Variants in GPM6A observed in about 807,000 individuals in gnomAD.
The protein encoded by GPM6A is glycoprotein M6A.
Under a neutral mutation model 32.1 loss-of-function variants are expected in GPM6A, and 7 were observed. That is an observed-to-expected ratio of 0.22 (90% confidence interval 0.12 to 0.41). The LOEUF is 0.41. Among genes scored for constraint, GPM6A ranks in the 10% least tolerant of loss-of-function variants. The pLI is 1.00. For synonymous variants in GPM6A, 130 were observed against 123.4 expected (o/e 1.05, Z -0.35); for missense variants, 235 against 347.2 (o/e 0.68, Z 2.57).
At chr4:175,784,073 G>A (rs1429348345) in intron 1 of GPM6A, among the ~76,000 whole-genome samples, 2 of 152,046 alleles carry the variant, frequency 1.3e-5, no homozygotes, top group Admixed American at 1.3e-4. Context: ...AAACACCTTA[G>A]CCAAGTGATC....
chr4:175,671,024 C>T (rs1004115802), intron 3 of GPM6A, among the ~76,000 whole-genome samples: 12 of 151,806 alleles, frequency 7.9e-5, no homozygotes, highest in African/African-American at 1.2e-4. Context: ...CCACCATGCC[C>T]GGCTAATTTT....
Position 176,001,193 on chromosome 4 carries a change from G to A in GPM6A, c.-23+1116C>T, listed in dbSNP as rs181681834. Among the ~76,000 whole-genome samples the A allele has an allele frequency of 2.6e-5, 4 of 152,298 alleles. 1 individual carries two copies. The highest frequency in any genetic ancestry group is 9.6e-5 in the African/African-American group (4 of 41,574). ...AATACAGGAATTTCAACCCGAGCAC[G>A]TCAGTCCCCAAGGCCTCCTTTACTC... On this transcript the variant is annotated intron_variant, in intron 1 of 7. Transcript: ENST00000280187.
chr4:175,805,072 CA>C (rs1170319463), intron 1 of GPM6A, among the ~76,000 whole-genome samples: 1 of 150,888 alleles, frequency 6.6e-6, no homozygotes, highest in Non-Finnish European at 1.5e-5. Flanking sequence ...AAAACAAAAA[CA>C]AAATGAAAGT....
At chr4:175,698,981 A>T (rs990839928) in intron 2 of GPM6A, among the ~76,000 whole-genome samples, 8 of 152,168 alleles carry the variant, frequency 5.3e-5, no homozygotes, top group Non-Finnish European at 8.8e-5. Flanking sequence ...TTGCTGATAG[A>T]TGTACATAAG....
At chr4:175,637,366 C>T (rs1263630902) in intron 6 of GPM6A, among the ~76,000 whole-genome samples, 33 of 49,064 alleles carry the variant, frequency 6.7e-4, no homozygotes, top group African/African-American at 2.6e-3. Flanking sequence ...TAATATATAA[C>T]ATATAATATA....
chr4:175,807,167 A>G (rs1302522878), intron 1 of GPM6A, among the ~76,000 whole-genome samples: 1 of 152,206 alleles, frequency 6.6e-6, no homozygotes, highest in African/African-American at 2.4e-5. Context: ...AGTTCTCCAA[A>G]TATTATACTA....
At chr4:175,810,266 C>T (rs757906824) in intron 1 of GPM6A, among the ~76,000 whole-genome samples, 12 of 151,996 alleles carry the variant, frequency 7.9e-5, no homozygotes, top group Admixed American at 1.3e-4. Flanking sequence ...GTGTCATAGG[C>T]GTAATTGAGA....
chr4:175,820,680 A>G (rs1384121377), intron 1 of GPM6A, among the ~76,000 whole-genome samples: 4 of 151,210 alleles, frequency 2.6e-5, no homozygotes, highest in Non-Finnish European at 5.9e-5. Flanking sequence ...TTATATTTTC[A>G]GTAGTGACAG....
chr4:175,775,017 A>T (rs1392975272), intron 1 of GPM6A, among the ~76,000 whole-genome samples: 2 of 152,150 alleles, frequency 1.3e-5, no homozygotes, highest in Admixed American at 6.6e-5. Context: ...ATATCAGGAT[A>T]TAAGGTGAAC....
intron 1 of GPM6A, among the ~76,000 whole-genome samples, chr4:175,894,090 C>T (rs1737724471): frequency 6.6e-6 from 1 of 152,132 alleles, no homozygotes; most frequent in Admixed American, 6.6e-5. Flanking sequence ...ATACTGTTGT[C>T]TCAGTGTGGC....
At chr4:175,846,119 T>C (rs1307798660) in intron 1 of GPM6A, among the ~76,000 whole-genome samples, 2 of 152,106 alleles carry the variant, frequency 1.3e-5, no homozygotes, top group Non-Finnish European at 2.9e-5. Flanking sequence ...GTCTCTACTC[T>C]CAATTTTGCC....
intron 2 of GPM6A, among the ~76,000 whole-genome samples, chr4:175,683,834 A>C (rs912424576): frequency 6.6e-6 from 1 of 150,846 alleles, no homozygotes; most frequent in Admixed American, 6.6e-5. Flanking sequence ...ATATACATAT[A>C]CTTTTTTTTT....
chr4:175,917,860 A>G (rs557564429), intron 1 of GPM6A, among the ~76,000 whole-genome samples: 141 of 147,954 alleles, frequency 9.5e-4, no homozygotes, highest in Admixed American at 2.3e-3. Flanking sequence ...TTATAAGTCA[A>G]TGTGTAATTT....
At position 175,910,441 on chromosome 4, in the gene GPM6A, C is replaced by T. The variant is rs182704499; in HGVS notation, c.-23+91868G>A. 3.2e-3 allele frequency among the ~76,000 whole-genome samples: 491 copies of T among 152,176 alleles called. 1 individual carries two copies. Among genetic ancestry groups the T allele is most frequent in the South Asian group, 6.6e-3 (32 of 4,822 alleles). On this transcript the variant is annotated intron_variant, in intron 1 of 7. Coordinates refer to the GPM6A transcript ENST00000280187. ...TCCTGCTGTTACTCCTCTTCTTAGT[C>T]GGGTACATAATTCACTCTCTCAGCC... is the stretch of plus-strand genomic sequence containing the variant.
At chr4:175,926,736 A>G (rs1373857947) in intron 1 of GPM6A, among the ~76,000 whole-genome samples, 6 of 152,312 alleles carry the variant, frequency 3.9e-5, no homozygotes, top group Non-Finnish European at 7.4e-5. Flanking sequence ...AGCTTACAGG[A>G]ACCTCAACAT....
chr4:175,846,639 T>G (rs1736096297), intron 1 of GPM6A, among the ~76,000 whole-genome samples: 2 of 152,150 alleles, frequency 1.3e-5, no homozygotes, highest in Admixed American at 6.6e-5. Context: ...ATATTATTTT[T>G]TCTTAGCAAT....
intron 2 of GPM6A, among the ~76,000 whole-genome samples, chr4:175,695,471 C>A (rs568143210): frequency 2.0e-3 from 299 of 152,280 alleles, no homozygotes; most frequent in Middle Eastern, 3.4e-3. Flanking sequence ...GACACGAAGT[C>A]AAAGGAAATT....
chr4:175,806,045 G>A (rs985819706), intron 1 of GPM6A: 1 of 152,204 alleles, frequency 6.6e-6, no homozygotes, highest in Non-Finnish European at 1.5e-5. Context: ...TGTGCCACCT[G>A]TTAGTATGGA....
chr4:175,778,748 A>G (rs1434009758), intron 1 of GPM6A, among the ~76,000 whole-genome samples: 1 of 150,564 alleles, frequency 6.6e-6, no homozygotes, highest in Non-Finnish European at 1.5e-5. Flanking sequence ...TGCCTATGAC[A>G]TAGATGACTA....
Sources: allele counts gnomAD v4.1 joint callset (sites outside exome capture counted in the v4.1 genomes callset), GRCh38; gene constraint gnomAD v4.1.1; transcripts MANE v1.5; gene names NCBI Gene and HGNC (gene_info 2026-07-23, HGNC 2026-07-21).